GOLGA2: variants seen among roughly 807,000 people sequenced by gnomAD.
The protein encoded by GOLGA2 is golgin subfamily A member 2.
In GOLGA2, 49 loss-of-function variants were observed where a neutral mutation model predicts 148.8. That is an observed-to-expected ratio of 0.33 (90% confidence interval 0.26 to 0.42). The LOEUF is 0.42. Ranked by LOEUF, GOLGA2 falls within the 10% of genes least tolerant of loss-of-function variation. The pLI is 1.00. For synonymous variants in GOLGA2, 501 were observed against 511.8 expected, an observed-to-expected ratio of 0.98 and a Z score of 0.28; for missense variants, 1,178 against 1,304.6, an observed-to-expected ratio of 0.90 and a Z score of 1.49.
At chr9:128,263,785 TCA>T in intron 12 of GOLGA2, among the ~76,000 whole-genome samples, 1 of 151,526 alleles carries the variant, frequency 6.6e-6, no homozygotes, top group Non-Finnish European at 1.5e-5. Flanking sequence ...ACTCCTGACC[TCA>T]AGTGATCCGC....
intron 3 of GOLGA2, among the ~76,000 whole-genome samples, chr9:128,270,833 G>T (rs892874107): frequency 6.6e-6 from 1 of 152,050 alleles, no homozygotes; most frequent in African/African-American, 2.4e-5. Context: ...ATCACTTGAG[G>T]CCAGGAGTTC....
chr9:128,263,746 G>C (rs1376602556), intron 12 of GOLGA2, among the ~76,000 whole-genome samples: 1 of 151,806 alleles, frequency 6.6e-6, no homozygotes, highest in Non-Finnish European at 1.5e-5. Context: ...TAGAGAGGGG[G>C]TTTCAACATG....
At chr9:128,272,501 A>G (rs1831017535) in intron 3 of GOLGA2, among the ~76,000 whole-genome samples, 1 of 152,096 alleles carries the variant, frequency 6.6e-6, no homozygotes, top group African/African-American at 2.4e-5. Context: ...AAGAAAAAAA[A>G]AAGCCCCAAA....
chr9:128,260,328 G>C lies in GOLGA2; in HGVS notation c.1758+137C>G. On this transcript the variant is annotated intron_variant, in intron 18 of 26. Transcript: ENST00000611957. This position sits in a 1 kb window ranked among gnomAD's most constrained non-coding sequence, Gnocchi z 4.8. ...TCATCCCCTCTCCCCCACAGCCATC[G>C]GAGCAGGGCTCTGGCTCACAGATGC... 9.3e-7 allele frequency: 1 copy of C among 1,077,604 alleles called. No homozygotes were observed. The highest frequency in any genetic ancestry group is 1.3e-5 in the South Asian group (1 of 78,838). 66.8% of individuals were successfully genotyped at this position (1,077,604 alleles called of 1,614,324 possible).
At chr9:128,264,685 C>A (rs903814610) in intron 12 of GOLGA2, among the ~76,000 whole-genome samples, 7 of 152,128 alleles carry the variant, frequency 4.6e-5, no homozygotes, top group African/African-American at 1.7e-4. Context: ...GCCTCGGCCT[C>A]CCAAAGTGCT....
Position 128,258,560 on chromosome 9 carries a change from C to T in GOLGA2, c.2184G>A (p.Leu728=), listed in dbSNP as rs1662828703. ...CCTCATCCTCCTCCTCCTCCCGGTC[C>T]AGTCCATCTCCTATGGGGGTGGCCA... is the stretch of plus-strand genomic sequence containing the variant. ...LMAHPGEGDG[L]DREEEEDEEE... Residue 728 remains leucine (L), a synonymous_variant, in exon 22 of 27, where the codon CTG becomes CTA. Coordinates refer to ENST00000611957, the MANE Select transcript of GOLGA2 (RefSeq NM_001366244.2). This position sits in a 1 kb window ranked among gnomAD's most constrained non-coding sequence, Gnocchi z 6.6. 1.3e-6 allele frequency: 2 copies of T among 1,565,160 alleles called. No individual in the cohort carries two copies. Among genetic ancestry groups the T allele is most frequent in the South Asian group, 1.2e-5 (1 of 85,090 alleles).
intron 4 of GOLGA2, 68 bp downstream of exon 4, chr9:128,268,352 T>C (rs896913412): frequency 1.9e-6 from 2 of 1,078,784 alleles, no homozygotes; most frequent in Non-Finnish European, 2.9e-6. Flanking sequence ...ACAAGCTGCC[T>C]GTGAAAGGAG....
chr9:128,257,930 C>A lies in GOLGA2; in HGVS notation c.2509-38G>T. ...TAATGGAGTCATATATCGGCAGCGA[C>A]CTGCCCCGCCCCCACCCTTCTTGAC... On this transcript the variant is annotated intron_variant, in intron 23 of 26. Transcript: ENST00000611957. The surrounding 1 kb of genome is among the most constrained non-coding windows in gnomAD (Gnocchi z 8.0). 1 of 1,607,598 alleles carries A rather than the reference C, an allele frequency of 6.2e-7. No homozygotes were observed. Among genetic ancestry groups the A allele is most frequent in the East Asian group, 2.2e-5 (1 of 44,810 alleles).
At chr9:128,262,952 G>T in intron 13 of GOLGA2, 82 bp downstream of exon 13, 1 of 979,558 alleles carries the variant, frequency 1.0e-6, no homozygotes, top group Non-Finnish European at 1.6e-6. Flanking sequence ...ACCTCATCAT[G>T]CTTACCTGTA....
chr9:128,275,836 CT>C (rs1831314213), intron 1 of GOLGA2, 56 bp downstream of exon 1: 3 of 906,226 alleles, frequency 3.3e-6, no homozygotes. Context: ...GGCCATGGTC[CT>C]GCCATCGGAG....
chr9:128,256,960 C>T lies in GOLGA2; in HGVS notation c.*107G>A. 2 of 829,770 alleles carry T rather than the reference C, an allele frequency of 2.4e-6. No individual in the cohort carries two copies. Among genetic ancestry groups the T allele is most frequent in the Non-Finnish European group, 4.0e-6 (2 of 503,228 alleles). The allele number at this position is 829,770 out of a possible 1,614,324, so 51.4% of individuals were successfully genotyped here. ...TACCCCCGTTAGACAGGGGTCTATG[C>T]TTGCTACTGTAAGGGTAAAGGGTTG... On this transcript the variant is annotated 3_prime_UTR_variant, in exon 27 of 27. Transcript: ENST00000611957.
Position 128,260,741 on chromosome 9 carries a change from C to G in GOLGA2, c.1482G>C (p.Ala494=). 6.2e-7 allele frequency: 1 copy of G among 1,613,040 alleles called. No homozygotes were observed. Among genetic ancestry groups the G allele is most frequent in the Non-Finnish European group, 8.5e-7 (1 of 1,179,830 alleles). Residue 494 remains alanine, a synonymous_variant, in exon 18 of 27, where the codon GCG becomes GCC. Coordinates refer to ENST00000611957, the MANE Select transcript of GOLGA2 (RefSeq NM_001366244.2). This position sits in a 1 kb window ranked among gnomAD's most constrained non-coding sequence, Gnocchi z 4.8. ...GCTCCTTCCGCAGGTGCTCAGCCTC[C>G]GCTTGTAGCTGCTGCTCCACCTCGG... ...GPSEVEQQLQ[A]EAEHLRKELE...
At chr9:128,262,134 G>C (rs1001065317) in intron 14 of GOLGA2, among the ~76,000 whole-genome samples, 1 of 150,340 alleles carries the variant, frequency 6.7e-6, no homozygotes, top group African/African-American at 2.4e-5. Context: ...CTGGGAAGTA[G>C]AGGTTGCAGT....
In GOLGA2 at chr9:128,266,454, G is replaced by A. The variant is rs774294872; in HGVS notation, c.643-129C>T. On this transcript the variant is annotated intron_variant, in intron 8 of 26. Transcript: ENST00000611957. The surrounding 1 kb of genome is among the most constrained non-coding windows in gnomAD (Gnocchi z 4.2). The stretch of plus-strand genomic sequence containing the variant: ...AAGTTCTCAGACCCAATGGGAACAC[G>A]AACTGGTAAACTCTCCTCAGGCTCT... The A allele has an allele frequency of 2.2e-5, 17 of 761,416 alleles. No homozygotes were observed. In the East Asian group the frequency reaches 2.9e-4, roughly 13 times the overall value. 47.2% of individuals were successfully genotyped at this position (761,416 alleles called of 1,614,324 possible).
Position 128,266,979 on chromosome 9 carries a change from T to G in GOLGA2, c.642+215A>C. The G allele has an allele frequency of 1.6e-6, 1 of 611,312 alleles. No homozygotes were observed. Among genetic ancestry groups the G allele is most frequent in the Non-Finnish European group, 2.9e-6 (1 of 339,530 alleles). The allele number at this position is 611,312 out of a possible 1,614,324, so 37.9% of individuals were successfully genotyped here. A position where few individuals can be genotyped will look rare whatever the true frequency, so the allele number is the denominator to read the frequency against. On this transcript the variant is annotated intron_variant, in intron 8 of 26. Coordinates refer to ENST00000611957, the MANE Select transcript of GOLGA2 (RefSeq NM_001366244.2). This position sits in a 1 kb window ranked among gnomAD's most constrained non-coding sequence, Gnocchi z 4.2. The stretch of plus-strand genomic sequence containing the variant: ...TGTGTGGCAAGGACTCGAGCAGGGG[T>G]GTCTAGAGAAGAGAGAGTAGGCAAA...
chr9:128,258,950 A>G lies in GOLGA2; in HGVS notation c.2173+57T>C. 2.6e-6 allele frequency: 3 copies of G among 1,134,080 alleles called. No homozygotes were observed. The East Asian group carries it at 7.0e-5, about 26-fold the overall frequency. 70.3% of individuals were successfully genotyped at this position (1,134,080 alleles called of 1,614,324 possible). A position where few individuals can be genotyped will look rare whatever the true frequency, so the allele number is the denominator to read the frequency against. Reference sequence around the variant, plus strand: ...TCCAACTCCTCAATTCTACGCTGCTAACAGTCCCCCCTTCTTCCTGGGGCT... The same window carrying G: ...TCCAACTCCTCAATTCTACGCTGCTGACAGTCCCCCCTTCTTCCTGGGGCT... On this transcript the variant is annotated intron_variant, in intron 21 of 26. Coordinates refer to ENST00000611957, the MANE Select transcript of GOLGA2 (RefSeq NM_001366244.2). The surrounding 1 kb of genome is among the most constrained non-coding windows in gnomAD (Gnocchi z 6.6).
chr9:128,259,058 G>T lies in GOLGA2; in HGVS notation c.2122C>A (p.Gln708Lys). 6.2e-7 allele frequency: 1 copy of T among 1,611,448 alleles called. No individual in the cohort carries two copies. The highest frequency in any genetic ancestry group is 1.1e-5 in the South Asian group (1 of 91,044). Residue 708 changes from glutamine to lysine, a missense_variant, in exon 21 of 27, where the codon CAG (glutamine) becomes AAG (lysine). Around this residue, in one of 5 missense-constraint regions of GOLGA2, gnomAD observed 529 missense variants for 521.8 expected, o/e 1.01. Coordinates refer to ENST00000611957, the MANE Select transcript of GOLGA2 (RefSeq NM_001366244.2). ...AACTGGGCCCGTAGCTGCTGATTCT[G>T]CTGGGTGGCAGCTTCCAGGCGCTCC... ...TQERLEAATQ[Q>K]NQQLRAQLSL... is the part of the protein sequence containing the mutation.
Position 128,260,318 on chromosome 9 carries a change from C to G in GOLGA2, c.1759-129G>C, listed in dbSNP as rs537010813. On this transcript the variant is annotated intron_variant, in intron 18 of 26. Transcript: ENST00000611957. This position sits in a 1 kb window ranked among gnomAD's most constrained non-coding sequence, Gnocchi z 4.8. The stretch of plus-strand genomic sequence containing the variant: ...GTTAGAAAAATCATCCCCTCTCCCC[C>G]ACAGCCATCGGAGCAGGGCTCTGGC... 20 of 1,096,132 alleles carry G rather than the reference C, an allele frequency of 1.8e-5. No individual in the cohort carries two copies. Among genetic ancestry groups the G allele is most frequent in the Non-Finnish European group, 2.3e-5 (17 of 725,356 alleles). 67.9% of individuals were successfully genotyped at this position (1,096,132 alleles called of 1,614,324 possible). A position where few individuals can be genotyped will look rare whatever the true frequency, so the allele number is the denominator to read the frequency against.
Position 128,260,297 on chromosome 9 carries a change from G to A in GOLGA2, c.1759-108C>T, listed in dbSNP as rs377705334. On this transcript the variant is annotated intron_variant, in intron 18 of 26. Transcript: ENST00000611957. The surrounding 1 kb of genome is among the most constrained non-coding windows in gnomAD (Gnocchi z 4.8). The stretch of plus-strand genomic sequence containing the variant: ...CACCGGGAAGGGTGGAGGCAGGTTA[G>A]AAAAATCATCCCCTCTCCCCCACAG... 1.5e-5 allele frequency: 17 copies of A among 1,165,274 alleles called. No individual in the cohort carries two copies. The African/African-American group carries it at 2.1e-4, about 14-fold the overall frequency. 72.2% of individuals were successfully genotyped at this position (1,165,274 alleles called of 1,614,324 possible). A position where few individuals can be genotyped will look rare whatever the true frequency, so the allele number is the denominator to read the frequency against.
Sources: allele counts gnomAD v4.1 joint callset (sites outside exome capture counted in the v4.1 genomes callset), GRCh38; gene constraint gnomAD v4.1.1; regional missense constraint gnomAD v4.1.1; non-coding constraint Gnocchi (gnomAD v3.1); transcripts MANE v1.5; gene names NCBI Gene and HGNC (gene_info 2026-07-23, HGNC 2026-07-21).